Variants in MED13 observed in about 807,000 individuals in gnomAD.
MED13 encodes the protein mediator of RNA polymerase II transcription subunit 13.
MED13 carries 23 observed loss-of-function variants against 225.2 expected under a neutral mutation model. The ratio of observed to expected loss-of-function variants is 0.10; its 90% CI spans 0.07 to 0.14. The LOEUF is 0.14. Ranked by LOEUF, MED13 falls within the 10% of genes least tolerant of loss-of-function variation. MED13 has a pLI of 1.00. For synonymous variants in MED13, 942 were observed against 889.2 expected (o/e 1.06, Z -1.06); for missense variants, 2,197 against 2,594.5 (o/e 0.85, Z 3.33).
At chr17:61,992,672 A>G in intron 10 of MED13, 51 bp from the exon 11 acceptor site, 1 of 1,284,280 alleles carries the variant, frequency 7.8e-7, no homozygotes, top group Non-Finnish European at 1.1e-6. Flanking sequence ...TACCAACAAT[A>G]AAATCTACCA....
chr17:62,013,518 A>T (rs1302849174), intron 8 of MED13, among the ~76,000 whole-genome samples: 1 of 151,214 alleles, frequency 6.6e-6, no homozygotes, highest in East Asian at 1.9e-4. Context: ...GCAAGGAATA[A>T]AAGAAAATTT....
At chr17:61,953,585 G>A (rs2079915293) in intron 26 of MED13, among the ~76,000 whole-genome samples, 1 of 152,206 alleles carries the variant, frequency 6.6e-6, no homozygotes, top group Admixed American at 6.5e-5. Context: ...TGTAGAAACT[G>A]ACAAAGGCAA....
chr17:61,973,659 A>T (rs2080128293), intron 16 of MED13, among the ~76,000 whole-genome samples: 1 of 152,178 alleles, frequency 6.6e-6, no homozygotes, highest in African/African-American at 2.4e-5. Context: ...TGCCTAGTTT[A>T]TCGTTATTGG....
chr17:62,057,588 G>A (rs1031068365), intron 2 of MED13, among the ~76,000 whole-genome samples: 5 of 152,154 alleles, frequency 3.3e-5, no homozygotes, highest in Admixed American at 1.3e-4. Flanking sequence ...TCCTATGCCT[G>A]GCTGTTTATC....
rs1441114465 is a variant in MED13, at chr17:61,984,260, C to T, written c.2799G>A (p.Leu933=). 2 of 1,611,730 alleles carry T rather than the reference C, an allele frequency of 1.2e-6. No individual in the cohort carries two copies. The highest frequency in any genetic ancestry group is 1.1e-5 in the South Asian group (1 of 90,686). The change falls in exon 15 of 30, where the codon TTG becomes TTA. Residue 933 remains leucine (L), a synonymous_variant. Transcript: ENST00000397786. ...LPSQYLPPIK[L]PEECIYRQSW... ...TCTGACGGTAAATACACTCTTCTGG[C>T]AATTTGATAGGGGGCAGATATTGGC...
chr17:61,956,484 A>G lies in MED13; in HGVS notation c.5481-3T>C, dbSNP rs2079945705. On this transcript the variant is annotated splice_region_variant and splice_polypyrimidine_tract_variant and intron_variant, in intron 23 of 29. Transcript: ENST00000397786. ...CAGAACTTTTTTTCCGACGAGCCCT[A>G]TTGTGTGAATAAAGAGAGTGTCATA... 2 of 1,599,736 alleles carry G rather than the reference A, an allele frequency of 1.3e-6. No homozygotes were observed. The highest frequency in any genetic ancestry group is 1.1e-5 in the South Asian group (1 of 87,722).
intron 8 of MED13, among the ~76,000 whole-genome samples, chr17:62,013,783 G>T (rs552913326): frequency 8.5e-5 from 13 of 152,320 alleles, no homozygotes; most frequent in African/African-American, 3.1e-4. Context: ...GCTCACACCT[G>T]TAATCCCAGC....
chr17:62,012,582 G>A (rs993572065), intron 8 of MED13, among the ~76,000 whole-genome samples: 6 of 151,720 alleles, frequency 4.0e-5, no homozygotes, highest in African/African-American at 1.2e-4. Context: ...TGCCCACCTC[G>A]GCCTCCCAAA....
chr17:62,048,398 CAAAAAAAA>C (rs555420453), intron 3 of MED13, among the ~76,000 whole-genome samples: 49 of 68,090 alleles, frequency 7.2e-4, no homozygotes, highest in African/African-American at 2.2e-3. Flanking sequence ...GAGACTGTTT[CAAAAAAAA>C]AAAAAAAAAA....
At position 61,942,873 on chromosome 17, in the gene MED13, C is replaced by T. The variant is rs951080230; in HGVS notation, c.*3595G>A. On this transcript the variant is annotated 3_prime_UTR_variant, in exon 30 of 30. Transcript: ENST00000397786. ...CCAAGCTATTTTGAGAGGGTTGATG[C>T]TGACATGTCCAGTAATGACGTTACA... The T allele has an allele frequency of 2.0e-5, 3 of 152,508 alleles. No homozygotes were observed. Among genetic ancestry groups the T allele is most frequent in the Non-Finnish European group, 4.4e-5 (3 of 67,968 alleles). The allele number at this position is 152,508 out of a possible 1,614,324, so 9.4% of individuals were successfully genotyped here.
chr17:61,975,973 G>A (rs986569210), intron 16 of MED13, among the ~76,000 whole-genome samples: 3 of 151,698 alleles, frequency 2.0e-5, no homozygotes, highest in Non-Finnish European at 4.4e-5. Context: ...CCAAGATTGC[G>A]CCACTGCACC....
Position 62,010,794 on chromosome 17 carries a change from T to C in MED13, c.1723A>G (p.Met575Val), listed in dbSNP as rs369350125. Residue 575 changes from methionine (M) to valine (V), a missense_variant, in exon 9 of 30, where the codon ATG becomes GTG. Transcript: ENST00000397786. ...GACAAACTGTCTATCCTATCTTCCA[T>C]TGGTTTAGAAGGAACCAAGGGATCT... is the stretch of plus-strand genomic sequence containing the variant. ...TPDPLVPSKP[M>V]EDRIDSLSQS... 1.9e-5 allele frequency: 30 copies of C among 1,614,126 alleles called. No individual in the cohort carries two copies. The highest frequency in any genetic ancestry group is 1.6e-4 in the Middle Eastern group (1 of 6,084).
At chr17:62,029,154 A>G (rs1208509140) in intron 8 of MED13, 1 of 159,344 alleles carries the variant, frequency 6.3e-6, no homozygotes, top group African/African-American at 2.4e-5. Flanking sequence ...CTGTCTCTTC[A>G]TTTTTTAAAA....
intron 8 of MED13, among the ~76,000 whole-genome samples, chr17:62,021,626 T>C (rs1445162324): frequency 1.3e-5 from 2 of 152,196 alleles, no homozygotes; most frequent in Non-Finnish European, 2.9e-5. Flanking sequence ...TAATGAAAAA[T>C]GCGACAAACA....
intron 4 of MED13, 74 bp from the exon 5 acceptor site, chr17:62,034,058 G>T: frequency 7.6e-7 from 1 of 1,307,218 alleles, no homozygotes. Context: ...TGAAAAATGT[G>T]GCAAATAATC....
intron 12 of MED13, among the ~76,000 whole-genome samples, chr17:61,986,648 C>T (rs551507342): frequency 6.6e-6 from 1 of 152,236 alleles, no homozygotes; most frequent in South Asian, 2.1e-4. Context: ...TGTATGTGTT[C>T]TCTGAATGAG....
Position 61,945,036 on chromosome 17 carries a change from T to C in MED13, c.*1432A>G, listed in dbSNP as rs376071613. The C allele has an allele frequency of 6.5e-6, 1 of 152,766 alleles. No individual in the cohort carries two copies. The highest frequency in any genetic ancestry group is 1.9e-4 in the East Asian group (1 of 5,190). 9.5% of individuals were successfully genotyped at this position (152,766 alleles called of 1,614,324 possible). A position where few individuals can be genotyped will look rare whatever the true frequency, so the allele number is the denominator to read the frequency against. On this transcript the variant is annotated 3_prime_UTR_variant, in exon 30 of 30. Coordinates refer to ENST00000397786, the MANE Select transcript of MED13 (RefSeq NM_005121.3). ...GTGAGAACCTCCTTGGCATATGCCC[T>C]ACCTTAATCTGAGCTGTGTTATAGA...
rs1362405205 is a variant in MED13 at position 61,982,471 on chromosome 17, GTCC to G, written c.3529_3531del (p.Gly1177del). The G allele has an allele frequency of 9.3e-6, 15 of 1,614,176 alleles. No individual in the cohort carries two copies. The Middle Eastern group carries it at 5.0e-4, about 53-fold the overall frequency. ...TCAGATAATTTTTCAGATTCCTTTA[GTCC>G]TCCATTAACATGTTCAGCAGAGGTA... On this transcript the variant is annotated inframe_deletion, in exon 16 of 30. Transcript: ENST00000397786.
rs202241532 is a variant in MED13 at position 61,964,938 on chromosome 17, GA to G, written c.4844+67del. On this transcript the variant is annotated intron_variant, in intron 20 of 29. Coordinates refer to ENST00000397786, the MANE Select transcript of MED13 (RefSeq NM_005121.3). ...GCAAAAGAGTGAGACTGTGTCTCAA[GA>G]AAAAAAAAGAAAGAAGCAGCATCAT... 7.1e-4 allele frequency: 1,001 copies of G among 1,403,668 alleles called. 8 individuals carry two copies. The African/African-American group carries it at 0.011, about 16-fold the overall frequency. 87.0% of individuals were successfully genotyped at this position (1,403,668 alleles called of 1,614,324 possible).
Sources: allele counts gnomAD v4.1 joint callset (sites outside exome capture counted in the v4.1 genomes callset), GRCh38; gene constraint gnomAD v4.1.1; transcripts MANE v1.5; gene names NCBI Gene and HGNC (gene_info 2026-07-23, HGNC 2026-07-21).